Variants in ABCA4 observed in about 807,000 individuals in gnomAD.
ABCA4 encodes the protein retinal-specific phospholipid-transporting ATPase ABCA4.
In ABCA4, 196 loss-of-function variants were observed where a neutral mutation model predicts 263.7. The observed-to-expected ratio is 0.74, with a 90% CI of 0.66 to 0.84. The LOEUF is 0.84. Among genes scored for constraint, ABCA4 ranks in the 40% least tolerant of loss-of-function variants. ABCA4 has a pLI of 0.00. For missense variants in ABCA4, 2,792 were observed against 2,855.1 expected (o/e 0.98, Z 0.50); for synonymous variants, 1,133 against 1,094.2 (o/e 1.04, Z -0.70).
rs368202407 is a variant in ABCA4, at chr1:94,046,430, C to T, written c.2918+489G>A. Among the ~76,000 whole-genome samples, 32 of 87,638 alleles carry T rather than the reference C, an allele frequency of 3.7e-4. 2 individuals carry two copies. In the East Asian group the frequency reaches 6.3e-3, roughly 17 times the overall value. 57.5% of individuals were successfully genotyped at this position (87,638 alleles called of 152,430 possible). On this transcript the variant is annotated intron_variant, in intron 19 of 49. Coordinates refer to ENST00000370225, the MANE Select transcript of ABCA4 (RefSeq NM_000350.3). The stretch of plus-strand genomic sequence containing the variant: ...TGAGCCAAGATCGCACCACTGCCCT[C>T]CAGCATGGGTAATGGTTACTATCTC...
intron 2 of ABCA4, among the ~76,000 whole-genome samples, chr1:94,112,029 G>A (rs1415233876): frequency 2.0e-5 from 3 of 152,212 alleles, no homozygotes; most frequent in East Asian, 1.9e-4. Context: ...GTAAAGAAGA[G>A]TCTGATGGAC....
chr1:94,094,435 C>T (rs1412961098), intron 6 of ABCA4, among the ~76,000 whole-genome samples: 2 of 152,096 alleles, frequency 1.3e-5, no homozygotes, highest in Admixed American at 1.3e-4. Context: ...AAAATGCAAT[C>T]AGAAAAGTAA....
At chr1:94,021,126 T>C in intron 35 of ABCA4, 114 bp downstream of exon 35, 2 of 1,458,774 alleles carry the variant, frequency 1.4e-6, no homozygotes, top group Non-Finnish European at 1.9e-6. Context: ...TGTGCCTGAC[T>C]AAACAGCATT....
chr1:94,120,913 A>T (rs955263567), intron 1 of ABCA4, 67 bp downstream of exon 1: 4 of 177,296 alleles, frequency 2.3e-5, no homozygotes, highest in Non-Finnish European at 4.1e-5. Flanking sequence ...CCACCACCCC[A>T]CCCCACACTT....
rs144478930 is a variant in ABCA4, at chr1:94,018,105, A to G, written c.5196+1477T>C. Among the ~76,000 whole-genome samples the G allele has an allele frequency of 2.6e-5, 4 of 152,332 alleles. No homozygotes were observed. In the East Asian group the frequency reaches 7.7e-4, roughly 29 times the overall value. On this transcript the variant is annotated intron_variant, in intron 36 of 49. Transcript: ENST00000370225. ...TCTTCTACCCCTTCATTGGACTGCC[A>G]GCTAGTATCACCTCCCACCTCAGAT...
rs190360147 is a variant in ABCA4, at chr1:94,047,413, G to A, written c.2744-320C>T. The stretch of plus-strand genomic sequence containing the variant: ...AACCTTAGACACAGAGACATCAAGC[G>A]TCCTATTAAGGACACATAGGCATGA... On this transcript the variant is annotated intron_variant, in intron 18 of 49. Transcript: ENST00000370225. Among the ~76,000 whole-genome samples, 268 of 152,246 alleles carry A rather than the reference G, an allele frequency of 1.8e-3. 1 individual carries two copies. Among genetic ancestry groups the A allele is most frequent in the Middle Eastern group, 6.8e-3 (2 of 294 alleles).
At chr1:94,063,637 C>T (rs376952583) in intron 11 of ABCA4, among the ~76,000 whole-genome samples, 4 of 152,214 alleles carry the variant, frequency 2.6e-5, no homozygotes, top group African/African-American at 7.2e-5. Flanking sequence ...GGCTTTTACT[C>T]TCCAGCATGG....
intron 26 of ABCA4, 35 bp downstream of exon 26, chr1:94,036,705 A>G: frequency 2.5e-6 from 4 of 1,609,560 alleles, no homozygotes; most frequent in Non-Finnish European, 3.4e-6. Context: ...GAGGGAGGCA[A>G]GGAAGGGAAC....
intron 12 of ABCA4, 122 bp downstream of exon 12, chr1:94,062,990 A>G: frequency 1.8e-6 from 2 of 1,135,544 alleles, no homozygotes; most frequent in Non-Finnish European, 2.6e-6. Context: ...AAAATATCTT[A>G]TTTTTTCTTA....
chr1:94,067,721 T>C (rs1048908173), intron 11 of ABCA4, among the ~76,000 whole-genome samples: 2 of 152,320 alleles, frequency 1.3e-5, no homozygotes, highest in Middle Eastern at 3.4e-3. Flanking sequence ...TACAATTGCC[T>C]CCCTGTAGGA....
chr1:94,055,184 C>T lies in ABCA4; in HGVS notation c.2514G>A (p.Leu838=), dbSNP rs149538369. Residue 838 remains leucine, a synonymous_variant, in exon 16 of 50, where the codon CTG becomes CTA. Coordinates refer to ENST00000370225, the MANE Select transcript of ABCA4 (RefSeq NM_000350.3). The stretch of plus-strand genomic sequence containing the variant: ...CATCAAGGAGCATCATCTGCATGGA[C>T]AGCAGGAAGCTGAATTCGTCCCCTT... ...PTEGDEFSFL[L]SMQMMLLDAA... 9.3e-6 allele frequency: 15 copies of T among 1,614,062 alleles called. No homozygotes were observed. Among genetic ancestry groups the T allele is most frequent in the South Asian group, 2.2e-5 (2 of 91,080 alleles).
chr1:94,111,392 G>C (rs1662598052), intron 3 of ABCA4, 46 bp downstream of exon 3: 1 of 1,607,030 alleles, frequency 6.2e-7, no homozygotes, highest in Non-Finnish European at 8.5e-7. Flanking sequence ...GCACGTGAAG[G>C]GGTGTGCAAC....
intron 32 of ABCA4, among the ~76,000 whole-genome samples, chr1:94,022,891 G>A (rs551511753): frequency 6.6e-6 from 1 of 152,314 alleles, no homozygotes; most frequent in African/African-American, 2.4e-5. Flanking sequence ...TTCTGGAGGT[G>A]CAGTTCCTGA....
At chr1:94,110,488 G>A (rs1376190421) in intron 3 of ABCA4, among the ~76,000 whole-genome samples, 1 of 152,226 alleles carries the variant, frequency 6.6e-6, no homozygotes, top group Admixed American at 6.5e-5. Flanking sequence ...CTAGCCTGGT[G>A]TTTATACAGG....
At chr1:94,111,763 C>T (rs139828285) in intron 2 of ABCA4, among the ~76,000 whole-genome samples, 184 bp from the exon 3 acceptor site, 36 of 152,252 alleles carry the variant, frequency 2.4e-4, no homozygotes, top group African/African-American at 7.9e-4. Context: ...AGAGACATGG[C>T]CTCTTCTCTC....
chr1:94,050,561 T>C (rs1660808883), intron 17 of ABCA4, among the ~76,000 whole-genome samples: 1 of 152,226 alleles, frequency 6.6e-6, no homozygotes, highest in South Asian at 2.1e-4. Flanking sequence ...ATTTTCCTTA[T>C]GATTTCTTTT....
At chr1:94,005,675 G>C in intron 43 of ABCA4, 93 bp from the exon 44 acceptor site, 1 of 1,288,628 alleles carries the variant, frequency 7.8e-7, no homozygotes, top group Non-Finnish European at 1.1e-6. Context: ...AACGGGAAAA[G>C]GAAGCTGCTT....
chr1:94,079,052 G>A (rs1661614897), intron 9 of ABCA4, among the ~76,000 whole-genome samples: 1 of 152,094 alleles, frequency 6.6e-6, no homozygotes, highest in African/African-American at 2.4e-5. Context: ...TCAGAGAATT[G>A]TGAACCCTTC....
intron 44 of ABCA4, 97 bp downstream of exon 44, chr1:94,005,344 G>A (rs1012206990): frequency 3.4e-6 from 5 of 1,462,304 alleles, no homozygotes; most frequent in Non-Finnish European, 4.8e-6. Flanking sequence ...TGAATGAATA[G>A]CACGCTTCAG....
Sources: allele counts gnomAD v4.1 joint callset (sites outside exome capture counted in the v4.1 genomes callset), GRCh38; gene constraint gnomAD v4.1.1; transcripts MANE v1.5; gene names NCBI Gene and HGNC (gene_info 2026-07-23, HGNC 2026-07-21).